The following RARB variants were observed in gnomAD, a reference collection of about 807,000 sequenced individuals.
RARB encodes HBV-activated protein.
A neutral mutation model predicts 51.9 loss-of-function variants in RARB; 17 were observed. That is an observed-to-expected ratio of 0.33 (90% CI 0.22 to 0.49). RARB has a LOEUF of 0.49. RARB is among the 20% of genes least tolerant of loss of function. RARB has a pLI of 0.99. For missense variants in RARB, 369 were observed against 550.8 expected (o/e 0.67, Z 3.30); for synonymous variants, 215 against 195.4 (o/e 1.10, Z -0.84).
intron 5 of RARB, among the ~76,000 whole-genome samples, chr3:25,224,064 T>C (rs1039295189): frequency 6.6e-6 from 1 of 152,170 alleles, no homozygotes; most frequent in Non-Finnish European, 1.5e-5. Flanking sequence ...ATGTTAACAC[T>C]TGAAGATGAT....
At chr3:25,586,302 T>G (rs1701385409) in intron 5 of RARB, among the ~76,000 whole-genome samples, 1 of 152,026 alleles carries the variant, frequency 6.6e-6, no homozygotes, top group African/African-American at 2.4e-5. Flanking sequence ...TGTCCCAAGC[T>G]CTTAAGGCAT....
In RARB at chr3:25,588,436, C is replaced by T. The variant is rs114998949; in HGVS notation, c.787-5067C>T. 9.3e-3 allele frequency among the ~76,000 whole-genome samples: 1,413 copies of T among 152,304 alleles called. 23 individuals carry two copies. The highest frequency in any genetic ancestry group is 0.032 in the African/African-American group (1,316 of 41,568). ...GATCTAGGTAGTAGTTGCACAGATA[C>T]ATGGTTAGGGAGAATGCCTTAAGCT... On this transcript the variant is annotated intron_variant, in intron 5 of 7. Coordinates refer to ENST00000330688, the MANE Select transcript of RARB (RefSeq NM_000965.5).
intron 2 of RARB, among the ~76,000 whole-genome samples, chr3:25,013,508 GA>G: frequency 1.3e-5 from 2 of 152,036 alleles, no homozygotes. Context: ...ATCCTGCCAT[GA>G]AGACTGACCC....
chr3:25,010,119 G>T (rs757242997), intron 2 of RARB, among the ~76,000 whole-genome samples: 1 of 146,284 alleles, frequency 6.8e-6, no homozygotes, highest in Non-Finnish European at 1.5e-5. Context: ...GTAATATTGG[G>T]TCCCAACTTT....
At position 25,047,640 on chromosome 3, in the gene RARB, T is replaced by C. The variant is rs1481571253; in HGVS notation, c.-379-12485T>C. On this transcript the variant is annotated intron_variant, in intron 2 of 11. Transcript: ENST00000383772. ...TCTATTTAGCCTATGCTAAGTGCTC[T>C]CTCTCAATCACTCAATACAGTAGGT... Among the ~76,000 whole-genome samples the C allele has an allele frequency of 2.0e-5, 3 of 152,200 alleles. No homozygotes were observed. The East Asian group carries it at 5.8e-4, about 29-fold the overall frequency.
At chr3:25,240,235 T>G (rs746370366) in intron 5 of RARB, among the ~76,000 whole-genome samples, 3 of 152,152 alleles carry the variant, frequency 2.0e-5, no homozygotes, top group Non-Finnish European at 4.4e-5. Context: ...TGGTGGAGTC[T>G]TTAGGTTTTT....
At chr3:25,487,685 C>G (rs1425741420) in intron 2 of RARB, among the ~76,000 whole-genome samples, 1 of 152,114 alleles carries the variant, frequency 6.6e-6, no homozygotes, top group Non-Finnish European at 1.5e-5. Context: ...ATTTGGAAAC[C>G]TGAAATTACA....
intron 3 of RARB, among the ~76,000 whole-genome samples, chr3:25,126,448 T>C (rs1204982540): frequency 6.6e-6 from 1 of 152,164 alleles, no homozygotes; most frequent in African/African-American, 2.4e-5. Flanking sequence ...ATCTCTTTTT[T>C]TTTTTTAAAG....
chr3:25,243,721 T>C (rs1053233698), intron 5 of RARB, among the ~76,000 whole-genome samples: 13 of 152,320 alleles, frequency 8.5e-5, no homozygotes, highest in Admixed American at 7.8e-4. Flanking sequence ...CAGTATTTTA[T>C]TGAGGATTTT....
At chr3:24,917,010 A>G (rs1490606635) in intron 2 of RARB, among the ~76,000 whole-genome samples, 3 of 152,248 alleles carry the variant, frequency 2.0e-5, no homozygotes, top group African/African-American at 7.2e-5. Flanking sequence ...TTGCACAGAT[A>G]TAACTAATTT....
In RARB at chr3:25,097,925, T is replaced by G. The variant is rs183748277; in HGVS notation, c.-327-34236T>G. 2.7e-3 allele frequency among the ~76,000 whole-genome samples: 412 copies of G among 152,302 alleles called. 1 individual carries two copies. Among genetic ancestry groups the G allele is most frequent in the Non-Finnish European group, 3.8e-3 (259 of 68,020 alleles). On this transcript the variant is annotated intron_variant, in intron 3 of 11. Transcript: ENST00000383772. ...TATTGTATTGGGTTAGACTTAAGAT[T>G]CAAAGAGAAAACCATGGTCCCTACC...
At chr3:25,550,753 T>C (rs912954180) in intron 3 of RARB, among the ~76,000 whole-genome samples, 6 of 152,162 alleles carry the variant, frequency 3.9e-5, no homozygotes, top group Non-Finnish European at 8.8e-5. Flanking sequence ...CACCGCCACC[T>C]GACAGGCCCC....
intron 2 of RARB, among the ~76,000 whole-genome samples, chr3:24,930,137 C>T (rs1325591602): frequency 1.3e-5 from 2 of 151,986 alleles, no homozygotes; most frequent in Non-Finnish European, 2.9e-5. Context: ...TTCTAACACA[C>T]AAAGTAGAAA....
chr3:25,375,699 A>G (rs1299101525), intron 5 of RARB, among the ~76,000 whole-genome samples: 2 of 152,172 alleles, frequency 1.3e-5, no homozygotes, highest in Non-Finnish European at 2.9e-5. Context: ...AGTTGAGAGA[A>G]TCTCTACAGT....
At chr3:24,860,314 A>G (rs1415648134) in intron 2 of RARB, among the ~76,000 whole-genome samples, 1 of 151,918 alleles carries the variant, frequency 6.6e-6, no homozygotes, top group Non-Finnish European at 1.5e-5. Flanking sequence ...CCAGCCAGTA[A>G]CCTCCCAACC....
chr3:25,050,107 A>T (rs1003839760), intron 2 of RARB, among the ~76,000 whole-genome samples: 2 of 152,222 alleles, frequency 1.3e-5, no homozygotes, highest in African/African-American at 4.8e-5. Context: ...GTGGAAAAGC[A>T]TATGCCAAGC....
chr3:24,933,568 G>C (rs1695486573), intron 2 of RARB, among the ~76,000 whole-genome samples: 2 of 152,004 alleles, frequency 1.3e-5, no homozygotes, highest in Admixed American at 1.3e-4. Context: ...AGGGCTTATG[G>C]GCAGAGCAAA....
chr3:25,473,789 G>A (rs1695817439), intron 2 of RARB, among the ~76,000 whole-genome samples: 2 of 151,810 alleles, frequency 1.3e-5, no homozygotes, highest in Admixed American at 6.6e-5. Flanking sequence ...TCCCTCTCAG[G>A]GCTTCATGTA....
intron 3 of RARB, among the ~76,000 whole-genome samples, chr3:25,108,692 G>T (rs1699551319): frequency 6.6e-6 from 1 of 152,168 alleles, no homozygotes; most frequent in African/African-American, 2.4e-5. Flanking sequence ...GAGAGTTTGT[G>T]ACACTTTTGA....
Sources: allele counts gnomAD v4.1 joint callset (sites outside exome capture counted in the v4.1 genomes callset), GRCh38; gene constraint gnomAD v4.1.1; transcripts MANE v1.5; gene names NCBI Gene and HGNC (gene_info 2026-07-23, HGNC 2026-07-21).